The following PTPRB variants were observed in gnomAD, a reference collection of about 807,000 sequenced individuals.
PTPRB encodes protein tyrosine phosphatase receptor type B.
In PTPRB, 97 loss-of-function variants were observed where a neutral mutation model predicts 238.1. The ratio of observed to expected loss-of-function variants is 0.41; its 90% CI spans 0.35 to 0.48. The LOEUF (loss-of-function observed/expected upper bound fraction) is 0.48, where lower values mean the gene tolerates loss of function less well. Among genes scored for constraint, PTPRB ranks in the 20% least tolerant of loss-of-function variants. The pLI is 0.30. For missense variants in PTPRB, 2,292 were observed against 2,681.9 expected, an observed-to-expected ratio of 0.85 and a Z score of 3.21; for synonymous variants, 970 against 995.4, an observed-to-expected ratio of 0.97 and a Z score of 0.48.
intron 19 of PTPRB, 108 bp downstream of exon 19, chr12:70,555,762 A>G: frequency 7.3e-7 from 1 of 1,368,250 alleles, no homozygotes; most frequent in East Asian, 2.5e-5. Context: ...CTTATGCAAA[A>G]GTGAAGTGTA....
Position 70,560,589 on chromosome 12 carries a change from T to G in PTPRB, c.4432+82A>C. ...GGTATATCATTATTGGCTTTATCTCTTGTCATTAAAATCAGAATCAAAATG... is the reference window on the plus strand; with the variant it reads ...GGTATATCATTATTGGCTTTATCTCGTGTCATTAAAATCAGAATCAAAATG... On this transcript the variant is annotated intron_variant, in intron 17 of 33. Transcript: ENST00000334414. This position sits in a 1 kb window ranked among gnomAD's most constrained non-coding sequence, Gnocchi z 4.2. The G allele has an allele frequency of 4.5e-6, 7 of 1,558,110 alleles. No homozygotes were observed. The highest frequency in any genetic ancestry group is 6.1e-6 in the Non-Finnish European group (7 of 1,147,134).
chr12:70,634,489 G>T (rs186467012), intron 2 of PTPRB, among the ~76,000 whole-genome samples: 33 of 152,254 alleles, frequency 2.2e-4, no homozygotes, highest in African/African-American at 7.9e-4. Context: ...CATGTGCAGG[G>T]TGTGCAGATT....
chr12:70,520,053 A>G lies in PTPRB; in HGVS notation c.*1436T>C, dbSNP rs185166151. ...GAAAAGAAATATACTCTTTATGCAA[A>G]GGAAGCTATGCCATCAACAAACTTG... is the stretch of plus-strand genomic sequence containing the variant. On this transcript the variant is annotated 3_prime_UTR_variant, in exon 34 of 34. Coordinates refer to ENST00000334414, the MANE Select transcript of PTPRB (RefSeq NM_001109754.4). 4.2e-5 allele frequency: 14 copies of G among 332,668 alleles called. No homozygotes were observed. In the East Asian group the frequency reaches 1.2e-3, roughly 28 times the overall value. The allele number at this position is 332,668 out of a possible 1,614,324, so 20.6% of individuals were successfully genotyped here.
At chr12:70,534,994 A>C (rs1444863930) in intron 29 of PTPRB, 39 bp from the exon 30 acceptor site, 2 of 1,586,406 alleles carry the variant, frequency 1.3e-6, no homozygotes, top group Non-Finnish European at 1.7e-6. Context: ...AGTCCGGAAA[A>C]GTGACTCCTT....
chr12:70,553,570 TACTC>T (rs547145784), intron 20 of PTPRB, among the ~76,000 whole-genome samples: 124 of 152,306 alleles, frequency 8.1e-4, no homozygotes, highest in African/African-American at 2.9e-3. Context: ...TTTGGCCCCT[TACTC>T]AGAGCACTTC....
chr12:70,621,818 C>T (rs973173525), intron 3 of PTPRB, among the ~76,000 whole-genome samples: 2 of 152,158 alleles, frequency 1.3e-5, no homozygotes, highest in Admixed American at 1.3e-4. Context: ...GAGATGAACA[C>T]CTGAAGCAGA....
intron 9 of PTPRB, among the ~76,000 whole-genome samples, chr12:70,582,870 T>C (rs1196972083): frequency 6.6e-6 from 1 of 152,006 alleles, no homozygotes; most frequent in Non-Finnish European, 1.5e-5. Context: ...TATTTTAAAA[T>C]CCAGCAAAAT....
chr12:70,576,689 G>GGGGGGGGGA, intron 10 of PTPRB, 44 bp from the exon 11 acceptor site: 1 of 324,634 alleles, frequency 3.1e-6, no homozygotes, highest in Non-Finnish European at 5.6e-6. Flanking sequence ...GGGGAAGGGG[G>GGGGGGGGGA]ATTCAAAAAG....
At chr12:70,570,557 C>T (rs1005991702) in intron 13 of PTPRB, among the ~76,000 whole-genome samples, 1 of 152,016 alleles carries the variant, frequency 6.6e-6, no homozygotes, top group African/African-American at 2.4e-5. Flanking sequence ...TCATGTTGCC[C>T]AGGCTGTGCT....
rs724159875 is a variant in PTPRB at position 70,566,496 on chromosome 12, T to C, written c.3843A>G (p.Ile1281Met). 6.2e-7 allele frequency: 1 copy of C among 1,614,048 alleles called. No homozygotes were observed. Reference protein sequence around the residue: ...EDLTPGKKYKIQILTVSGGLF... With the variant: ...EDLTPGKKYKMQILTVSGGLF... ...GGCCTCCACTGACAGTTAGGATCTG[T>C]ATCTTGTATTTCTTGCCTGGTGTTA... Residue 1281 changes from isoleucine to methionine, a missense_variant, in exon 15 of 34, where the codon ATA (isoleucine) becomes ATG (methionine). By Grantham distance (10) the Ile-to-Met change is conservative. Around this residue, in one of 4 missense-constraint regions of PTPRB, gnomAD observed 683 missense variants for 862.0 expected, o/e 0.79. Coordinates refer to ENST00000334414, the MANE Select transcript of PTPRB (RefSeq NM_001109754.4).
intron 8 of PTPRB, among the ~76,000 whole-genome samples, chr12:70,588,114 GA>G (rs1882125345): frequency 7.7e-6 from 1 of 130,424 alleles, no homozygotes; most frequent in Non-Finnish European, 1.7e-5. Context: ...AAAAAAAAAA[GA>G]AAAGAAAAGA....
Position 70,517,834 on chromosome 12 carries a change from C to T in PTPRB, c.*3655G>A, listed in dbSNP as rs912758321. ...CTTTATGATTTCAGGATTCCAACCTCAAAGAATTCTTAGAAAGCTAAGTGA... is the reference window on the plus strand; with the variant it reads ...CTTTATGATTTCAGGATTCCAACCTTAAAGAATTCTTAGAAAGCTAAGTGA... On this transcript the variant is annotated 3_prime_UTR_variant, in exon 34 of 34. Coordinates refer to ENST00000334414, the MANE Select transcript of PTPRB (RefSeq NM_001109754.4). 2.0e-5 allele frequency: 3 copies of T among 152,202 alleles called. No individual in the cohort carries two copies. The highest frequency in any genetic ancestry group is 7.2e-5 in the African/African-American group (3 of 41,530). The allele number at this position is 152,202 out of a possible 1,614,324, so 9.4% of individuals were successfully genotyped here.
At chr12:70,559,699 A>C in intron 17 of PTPRB, 75 bp from the exon 18 acceptor site, 1 of 1,322,932 alleles carries the variant, frequency 7.6e-7, no homozygotes, top group Non-Finnish European at 1.1e-6. Context: ...TAGCTGAGCA[A>C]CATCAGACAC....
intron 9 of PTPRB, among the ~76,000 whole-genome samples, chr12:70,586,051 T>C (rs910046660): frequency 6.6e-5 from 10 of 152,228 alleles, no homozygotes; most frequent in Admixed American, 2.6e-4. Context: ...CTATCATTGA[T>C]GGACATTCGG....
At chr12:70,588,179 A>C (rs936896057) in intron 8 of PTPRB, among the ~76,000 whole-genome samples, 21 of 152,254 alleles carry the variant, frequency 1.4e-4, no homozygotes, top group Admixed American at 2.6e-4. Context: ...CAAGTATTAA[A>C]AATTTTCTTG....
At chr12:70,569,196 G>A (rs2165628) in intron 14 of PTPRB, among the ~76,000 whole-genome samples, 34,999 of 151,828 alleles carry the variant, frequency 0.23, 4,699 homozygotes, top group African/African-American at 0.37. Context: ...TTGACCTCCC[G>A]GGCTCAGGTG....
At chr12:70,528,650 T>TAAAC (rs772558965) in intron 32 of PTPRB, among the ~76,000 whole-genome samples, 51 of 152,194 alleles carry the variant, frequency 3.4e-4, no homozygotes, top group African/African-American at 8.2e-4. Context: ...CCCACGTAAA[T>TAAAC]AAACAAACAA....
At position 70,552,953 on chromosome 12, in the gene PTPRB, G is replaced by A. The variant is rs541674810; in HGVS notation, c.5211C>T (p.Ala1737=). 1.2e-5 allele frequency: 19 copies of A among 1,613,954 alleles called. No homozygotes were observed. The South Asian group carries it at 2.1e-4, about 18-fold the overall frequency. The part of the protein sequence containing the change: ...LPSYLEYRHN[A]SIRVYQTNYF... ...AATTAGTCTGATACACCCGAATGGA[G>A]GCATTGTGCCTGTACTCCAGGTAGG... is the stretch of plus-strand genomic sequence containing the variant. The change falls in exon 21 of 34, where the codon GCC becomes GCT. Residue 1737 remains alanine (A), a synonymous_variant. Coordinates refer to ENST00000334414, the MANE Select transcript of PTPRB (RefSeq NM_001109754.4).
rs773412423 is a variant in PTPRB at position 70,576,499 on chromosome 12, C to T, written c.2725G>A (p.Ala909Thr). 5 of 1,579,428 alleles carry T rather than the reference C, an allele frequency of 3.2e-6. No individual in the cohort carries two copies. In the South Asian group the frequency reaches 4.6e-5, roughly 15 times the overall value. The change falls in exon 11 of 34, where the codon GCC becomes ACC. Residue 909 changes from alanine to threonine, a missense_variant. By Grantham distance (58) the Ala-to-Thr change is moderately conservative (BLOSUM62 0). Coordinates refer to ENST00000334414, the MANE Select transcript of PTPRB (RefSeq NM_001109754.4). ...AAGGAACATTCTCTGACAGACTTGG[C>T]AATGACAAGGGACTGAACCACCTTG... Reference protein sequence around the residue: ...DGKVVQSLVIAKSVRECSFSS... With the variant: ...DGKVVQSLVITKSVRECSFSS...
Sources: gnomAD v4.1 joint callset for allele counts (sites outside exome capture counted in the v4.1 genomes callset) on GRCh38, gnomAD v4.1.1 for gene constraint, gnomAD v4.1.1 regional missense constraint, Gnocchi (gnomAD v3.1) non-coding constraint, MANE v1.5 for transcripts, NCBI Gene and HGNC (gene_info 2026-07-23, HGNC 2026-07-21) for gene names.